Variants in ATP5F1B observed in about 807,000 individuals in gnomAD.
The protein encoded by ATP5F1B is ATP synthase F(1) complex subunit beta, mitochondrial.
In ATP5F1B, 17 loss-of-function variants were observed where a neutral mutation model predicts 45.9. The ratio of observed to expected loss-of-function variants is 0.37; its 90% CI spans 0.25 to 0.56. ATP5F1B has a LOEUF of 0.56. Ranked by LOEUF, ATP5F1B falls within the 20% of genes least tolerant of loss-of-function variation. ATP5F1B has a pLI of 0.80. For missense variants in ATP5F1B, 387 were observed against 673.2 expected (o/e 0.57, Z 4.70); for synonymous variants, 218 against 256.5 (o/e 0.85, Z 1.43).
rs768721424 is a variant in ATP5F1B, at chr12:56,645,371, T to C, written c.128-18A>G. 20 of 1,607,828 alleles carry C rather than the reference T, an allele frequency of 1.2e-5. No individual in the cohort carries two copies. The highest frequency in any genetic ancestry group is 1.6e-5 in the Non-Finnish European group (19 of 1,176,118). On this transcript the variant is annotated intron_variant, in intron 1 of 9. Coordinates refer to ENST00000262030, the MANE Select transcript of ATP5F1B (RefSeq NM_001686.4). The stretch of plus-strand genomic sequence containing the variant: ...GTCCCTGACTAACAGACAAAAGATA[T>C]TGGAAGGAGCTGGGGTCAGGCCAGT...
In ATP5F1B at chr12:56,638,396, G is replaced by C; in HGVS notation, c.1517C>G (p.Ala506Gly). 1 of 1,613,656 alleles carries C rather than the reference G, an allele frequency of 6.2e-7. No homozygotes were observed. Among genetic ancestry groups the C allele is most frequent in the Non-Finnish European group, 8.5e-7 (1 of 1,179,862 alleles). The change falls in exon 10 of 10, where the codon GCC becomes GGC. Residue 506 changes from alanine (A) to glycine (G), a missense_variant. This residue lies in a region of ATP5F1B where 36 missense variants were observed against 37.9 expected (regional missense o/e 0.95). Transcript: ENST00000262030. Reference sequence around the variant, plus strand: ...TTCAATGGGTCCCACCATATAGAAGGCCTGTTCTGGGAGATGGTCATATTC... The same window carrying C: ...TTCAATGGGTCCCACCATATAGAAGCCCTGTTCTGGGAGATGGTCATATTC... ...AGEYDHLPEQAFYMVGPIEEA... is the reference protein window; with the variant it reads ...AGEYDHLPEQGFYMVGPIEEA...
At chr12:56,644,737 T>C in intron 3 of ATP5F1B, 44 bp downstream of exon 3, 1 of 1,565,642 alleles carries the variant, frequency 6.4e-7, no homozygotes, top group Non-Finnish European at 8.7e-7. Flanking sequence ...AAACTGCAAA[T>C]AACAGAAGTT....
rs1490652197 is a variant in ATP5F1B, at chr12:56,643,102, C to T, written c.793-271G>A. ...AGGCTTAACTGAAACATATGTACCA[C>T]GTCCAATCCAGCCCTCCCAAAATTA... On this transcript the variant is annotated intron_variant, in intron 5 of 9. Transcript: ENST00000262030. 8.1e-6 allele frequency: 4 copies of T among 495,236 alleles called. No homozygotes were observed. In the East Asian group the frequency reaches 9.9e-5, roughly 12 times the overall value. The allele number at this position is 495,236 out of a possible 1,614,324, so 30.7% of individuals were successfully genotyped here. A position where few individuals can be genotyped will look rare whatever the true frequency, so the allele number is the denominator to read the frequency against.
intron 3 of ATP5F1B, 66 bp from the exon 4 acceptor site, chr12:56,644,024 T>C: frequency 1.3e-6 from 2 of 1,559,080 alleles, no homozygotes; most frequent in Non-Finnish European, 1.7e-6. Context: ...ATCTTATATA[T>C]CCCTCCCTAT....
chr12:56,644,904 C>T lies in ATP5F1B; in HGVS notation c.362G>A (p.Arg121Lys). 2 of 1,614,228 alleles carry T rather than the reference C, an allele frequency of 1.2e-6. No individual in the cohort carries two copies. The highest frequency in any genetic ancestry group is 1.7e-6 in the Non-Finnish European group (2 of 1,180,032). The change falls in exon 3 of 10, where the codon AGA (arginine) becomes AAA (lysine). Residue 121 changes from arginine to lysine, a missense_variant. By Grantham distance (26) the Arg-to-Lys change is conservative. This residue lies in a region of ATP5F1B where 113 missense variants were observed against 168.0 expected (regional missense o/e 0.67). Coordinates refer to ENST00000262030, the MANE Select transcript of ATP5F1B (RefSeq NM_001686.4). ...ACCAGAATCCAGTACTTTCTGGCCT[C>T]TAACCAAGCCTTCTGTACCATCCAT... ...IAMDGTEGLV[R>K]GQKVLDSGAP...
At chr12:56,638,820 C>T (rs1465002581) in intron 9 of ATP5F1B, among the ~76,000 whole-genome samples, 2 of 152,114 alleles carry the variant, frequency 1.3e-5, no homozygotes, top group Non-Finnish European at 2.9e-5. Flanking sequence ...CACTTGAACC[C>T]GGCAGGTGGA....
At position 56,643,396 on chromosome 12, in the gene ATP5F1B, T is replaced by C. The variant is rs372264984; in HGVS notation, c.792+7A>G. 9.3e-6 allele frequency: 15 copies of C among 1,613,112 alleles called. No homozygotes were observed. The highest frequency in any genetic ancestry group is 1.7e-5 in the Admixed American group (1 of 59,968). On this transcript the variant is annotated splice_region_variant and intron_variant, in intron 5 of 9. Transcript: ENST00000262030. The stretch of plus-strand genomic sequence containing the variant: ...ACCACGTGGACATCAATTAGCTCAA[T>C]GCTTACCTTAGAGGTGGCATCTTTT...
At chr12:56,642,431 G>T in intron 7 of ATP5F1B, 27 bp downstream of exon 7, 1 of 1,612,644 alleles carries the variant, frequency 6.2e-7, no homozygotes. Flanking sequence ...ATACAAATCA[G>T]ATCTTCATCT....
In ATP5F1B at chr12:56,640,109, C is replaced by T. The variant is rs763772844; in HGVS notation, c.1158G>A (p.Ser386=). The stretch of plus-strand genomic sequence containing the variant: ...AGATGCCCAGCTCAGCAATGGCACG[C>T]GACAGTACAGTGGTAGCATCCAAAT... ...FAHLDATTVL[S]RAIAELGIYP... is the part of the protein sequence containing the mutation. The change falls in exon 8 of 10, where the codon TCG becomes TCA. Residue 386 remains serine (S), a synonymous_variant. Coordinates refer to ENST00000262030, the MANE Select transcript of ATP5F1B (RefSeq NM_001686.4). 142 of 1,613,764 alleles carry T rather than the reference C, an allele frequency of 8.8e-5. No homozygotes were observed. Among genetic ancestry groups the T allele is most frequent in the Admixed American group, 4.2e-4 (25 of 59,966 alleles).
chr12:56,644,089 T>G, intron 3 of ATP5F1B, 131 bp from the exon 4 acceptor site: 1 of 1,026,758 alleles, frequency 9.7e-7, no homozygotes, highest in South Asian at 1.7e-5. Flanking sequence ...CTCCCCTTTC[T>G]TACATAAATC....
rs1332536179 is a variant in ATP5F1B, at chr12:56,639,179, C to T, written c.1416G>A (p.Glu472=). The stretch of plus-strand genomic sequence containing the variant: ...GCTTCCCCATATGACCTGTGAAGAC[C>T]TCAGCAACCTGGAATGGCTGAGACA... ...RFLSQPFQVA[E]VFTGHMGKLV... Residue 472 remains glutamate (E), a synonymous_variant, in exon 9 of 10, where the codon GAG becomes GAA. Coordinates refer to ENST00000262030, the MANE Select transcript of ATP5F1B (RefSeq NM_001686.4). 1.9e-6 allele frequency: 3 copies of T among 1,613,898 alleles called. No homozygotes were observed. In the Admixed American group the frequency reaches 5.0e-5, roughly 27 times the overall value.
At position 56,638,263 on chromosome 12, in the gene ATP5F1B, A is replaced by C; in HGVS notation, c.*60T>G. The C allele has an allele frequency of 1.1e-5, 16 of 1,442,794 alleles. No individual in the cohort carries two copies. In the South Asian group the frequency reaches 1.6e-4, roughly 15 times the overall value. The allele number at this position is 1,442,794 out of a possible 1,614,324, so 89.4% of individuals were successfully genotyped here. On this transcript the variant is annotated 3_prime_UTR_variant, in exon 10 of 10. Transcript: ENST00000262030. The stretch of plus-strand genomic sequence containing the variant: ...CAAGGCTCTTGTGCAGCCTACACAG[A>C]AAAATGAAGCTTTTTGGGTTAGGGG...
Position 56,640,121 on chromosome 12 carries a change from G to C in ATP5F1B, c.1146C>G (p.Thr382=). 6.2e-7 allele frequency: 1 copy of C among 1,614,070 alleles called. No homozygotes were observed. Among genetic ancestry groups the C allele is most frequent in the Non-Finnish European group, 8.5e-7 (1 of 1,180,014 alleles). The change falls in exon 8 of 10, where the codon ACC becomes ACG. Residue 382 remains threonine (T), a synonymous_variant. Coordinates refer to ENST00000262030, the MANE Select transcript of ATP5F1B (RefSeq NM_001686.4). ...CAGCAATGGCACGCGACAGTACAGT[G>C]GTAGCATCCAAATGGGCAAACGTAG... is the stretch of plus-strand genomic sequence containing the variant. The part of the protein sequence containing the change: ...PATTFAHLDA[T]TVLSRAIAEL...
chr12:56,645,956 C>G lies in ATP5F1B; in HGVS notation c.8G>C (p.Gly3Ala). The change falls in exon 1 of 10, where the codon GGG becomes GCG. Residue 3 changes from glycine (G) to alanine (A), a missense_variant. Around this residue, in one of 6 missense-constraint regions of ATP5F1B, gnomAD observed 76 missense variants for 62.0 expected, o/e 1.23. Transcript: ENST00000262030. Reference protein sequence around the residue: MLGFVGRVAAAPA... With the variant: MLAFVGRVAAAPA... ...AGCAGCGGCCACCCGACCCACAAAC[C>G]CCAACATGGCGTAGTCCGGGTGGAG... 1.9e-6 allele frequency: 3 copies of G among 1,603,278 alleles called. No homozygotes were observed. The highest frequency in any genetic ancestry group is 2.6e-6 in the Non-Finnish European group (3 of 1,175,736).
At chr12:56,640,910 A>G (rs9634277) in intron 7 of ATP5F1B, among the ~76,000 whole-genome samples, 53,493 of 149,410 alleles carry the variant, frequency 0.36, 10,015 homozygotes, top group African/African-American at 0.47. Context: ...TTAGCCAGGC[A>G]TGGTGATGCA....
At chr12:56,639,418 G>T in intron 8 of ATP5F1B, 111 bp from the exon 9 acceptor site, 1 of 958,866 alleles carries the variant, frequency 1.0e-6, no homozygotes, top group Non-Finnish European at 1.6e-6. Flanking sequence ...TGTTATGAGG[G>T]CCCTCAGCCA....
intron 8 of ATP5F1B, 83 bp from the exon 9 acceptor site, chr12:56,639,390 G>T: frequency 7.7e-7 from 1 of 1,297,818 alleles, no homozygotes; most frequent in Non-Finnish European, 1.1e-6. Context: ...ACATGCTAGG[G>T]GGCAGAGAAG....
chr12:56,638,437 G>GA lies in ATP5F1B; in HGVS notation c.1490-15dup. On this transcript the variant is annotated splice_polypyrimidine_tract_variant and intron_variant, in intron 9 of 9. Transcript: ENST00000262030. ...GGTCATATTCACCTGTATGATGGGG[G>GA]AGAAAAAAAAAAAGAGTAAGAAGCG... 3.2e-6 allele frequency: 5 copies of GA among 1,563,938 alleles called. No individual in the cohort carries two copies. Among genetic ancestry groups the GA allele is most frequent in the Admixed American group, 3.7e-5 (2 of 54,726 alleles).
At chr12:56,643,996 T>C (rs764326692) in intron 3 of ATP5F1B, 38 bp from the exon 4 acceptor site, 6 of 1,602,888 alleles carry the variant, frequency 3.7e-6, no homozygotes, top group Non-Finnish European at 5.1e-6. Flanking sequence ...CTATTCACCT[T>C]GTTGAAAGCA....
Sources: allele counts gnomAD v4.1 joint callset (sites outside exome capture counted in the v4.1 genomes callset), GRCh38; gene constraint gnomAD v4.1.1; regional missense constraint gnomAD v4.1.1; transcripts MANE v1.5; gene names NCBI Gene and HGNC (gene_info 2026-07-23, HGNC 2026-07-21).